The following THSD4 variants were observed in gnomAD, a reference collection of about 807,000 sequenced individuals.
THSD4 encodes the protein thrombospondin type 1 domain containing 4.
THSD4 carries 69 observed loss-of-function variants against 119.0 expected under a neutral mutation model. The observed-to-expected ratio is 0.58, with a 90% CI of 0.48 to 0.71. The LOEUF is 0.71. THSD4 is among the 30% of genes least tolerant of loss of function. The pLI is 0.00. For missense variants in THSD4, 1,393 were observed against 1,391.1 expected (o/e 1.00, Z -0.02); for synonymous variants, 524 against 540.4 (o/e 0.97, Z 0.42).
chr15:71,632,214 A>G (rs998114025), intron 7 of THSD4, among the ~76,000 whole-genome samples: 4 of 152,190 alleles, frequency 2.6e-5, no homozygotes, highest in Non-Finnish European at 5.9e-5. Flanking sequence ...TTGGAAATGT[A>G]TTTTGAAAAT....
chr15:71,410,399 C>G (rs1346322303), intron 6 of THSD4, among the ~76,000 whole-genome samples: 1 of 152,152 alleles, frequency 6.6e-6, no homozygotes, highest in Non-Finnish European at 1.5e-5. Context: ...GGAGGGCTTC[C>G]TGAGGAGGTG....
At chr15:71,774,166 C>A (rs2053871923) in intron 17 of THSD4, among the ~76,000 whole-genome samples, 1 of 151,966 alleles carries the variant, frequency 6.6e-6, no homozygotes, top group South Asian at 2.1e-4. Flanking sequence ...TAAAAATTAG[C>A]CAGGTGTGGT....
At chr15:71,197,176 T>A (rs2043727329) in intron 3 of THSD4, among the ~76,000 whole-genome samples, 1 of 152,208 alleles carries the variant, frequency 6.6e-6, no homozygotes, top group South Asian at 2.1e-4. Context: ...TAATGCGACC[T>A]GCCCCACAGG....
intron 6 of THSD4, among the ~76,000 whole-genome samples, chr15:71,332,593 C>G (rs990803124): frequency 6.6e-6 from 1 of 152,118 alleles, no homozygotes; most frequent in South Asian, 2.1e-4. Context: ...CTGCAGCATG[C>G]CTCGGATTTG....
intron 7 of THSD4, among the ~76,000 whole-genome samples, chr15:71,414,722 T>G (rs2140507742): frequency 1.3e-5 from 2 of 152,342 alleles, no homozygotes; most frequent in Admixed American, 1.3e-4. Context: ...GGATTCTTAC[T>G]AATTGATGAA....
At chr15:71,322,995 G>A (rs576225172) in intron 6 of THSD4, among the ~76,000 whole-genome samples, 3 of 151,700 alleles carry the variant, frequency 2.0e-5, no homozygotes, top group Non-Finnish European at 4.4e-5. Context: ...TACTCAGGAG[G>A]CTGAGGTGGG....
intron 6 of THSD4, among the ~76,000 whole-genome samples, chr15:71,410,465 G>A (rs1238354374): frequency 6.6e-6 from 1 of 152,170 alleles, no homozygotes; most frequent in South Asian, 2.1e-4. Context: ...GGAAGGAACA[G>A]TTAAGCAACG....
At chr15:71,140,116 A>G (rs2040588793) in intron 1 of THSD4, among the ~76,000 whole-genome samples, 1 of 152,232 alleles carries the variant, frequency 6.6e-6, no homozygotes, top group Admixed American at 6.5e-5. Flanking sequence ...ACGTATTTTA[A>G]GTGTTGTTTG....
chr15:71,561,755 G>T (rs937227217), intron 7 of THSD4, among the ~76,000 whole-genome samples: 1 of 152,024 alleles, frequency 6.6e-6, no homozygotes, highest in African/African-American at 2.4e-5. Flanking sequence ...CAAAAACCAG[G>T]ATTTCCAAAG....
intron 6 of THSD4, among the ~76,000 whole-genome samples, chr15:71,270,652 G>A (rs1314972276): frequency 6.6e-6 from 1 of 152,130 alleles, no homozygotes; most frequent in Non-Finnish European, 1.5e-5. Context: ...CCAAAGTCTG[G>A]CTACAGGAAT....
intron 6 of THSD4, among the ~76,000 whole-genome samples, chr15:71,268,673 G>GTTT (rs34513059): frequency 3.6e-5 from 5 of 138,832 alleles, no homozygotes; most frequent in Non-Finnish European, 7.7e-5. Flanking sequence ...TCCAGGAACT[G>GTTT]TTTTTTTTTT....
At chr15:71,738,244 G>T in intron 11 of THSD4, 1 of 552,918 alleles carries the variant, frequency 1.8e-6, no homozygotes, top group East Asian at 3.2e-5. Context: ...TCCCTTGCCT[G>T]CACAGTTCAC....
chr15:71,250,808 G>A (rs764617150), intron 5 of THSD4, among the ~76,000 whole-genome samples: 25 of 152,120 alleles, frequency 1.6e-4, no homozygotes, highest in Non-Finnish European at 3.5e-4. Context: ...TGATTGGCCT[G>A]GGTGAAAGGC....
chr15:71,579,056 G>T (rs1425035395), intron 7 of THSD4, among the ~76,000 whole-genome samples: 3 of 151,716 alleles, frequency 2.0e-5, no homozygotes, highest in African/African-American at 4.8e-5. Context: ...TGTTAGCCAG[G>T]ATAGTCTCGA....
chr15:71,454,772 C>G (rs2140593750), intron 7 of THSD4, among the ~76,000 whole-genome samples: 1 of 152,322 alleles, frequency 6.6e-6, no homozygotes, highest in East Asian at 1.9e-4. Context: ...TCTCAGCTCT[C>G]CAAACATCTC....
chr15:71,604,874 C>A (rs965452464), intron 7 of THSD4, among the ~76,000 whole-genome samples: 1 of 150,998 alleles, frequency 6.6e-6, no homozygotes, highest in Non-Finnish European at 1.5e-5. Flanking sequence ...AGTGAAAATA[C>A]TCTTTATCAA....
intron 6 of THSD4, among the ~76,000 whole-genome samples, chr15:71,289,102 A>G (rs566079417): frequency 1.3e-5 from 2 of 152,240 alleles, no homozygotes; most frequent in South Asian, 2.1e-4. Context: ...CTTGACTGTA[A>G]TCAACTCAGG....
intron 7 of THSD4, among the ~76,000 whole-genome samples, chr15:71,557,095 T>C (rs1017529121): frequency 6.6e-6 from 1 of 152,242 alleles, no homozygotes; most frequent in Admixed American, 6.5e-5. Context: ...CATTCTGCCA[T>C]TGAAAATCAA....
chr15:71,736,403 C>G (rs927971279), intron 10 of THSD4, among the ~76,000 whole-genome samples: 8 of 149,374 alleles, frequency 5.4e-5, no homozygotes, highest in African/African-American at 2.0e-4. Context: ...CTCTCTCGCT[C>G]TCTGACTGTC....
Sources: allele counts gnomAD v4.1 joint callset (sites outside exome capture counted in the v4.1 genomes callset), GRCh38; gene constraint gnomAD v4.1.1; transcripts MANE v1.5; gene names NCBI Gene and HGNC (gene_info 2026-07-23, HGNC 2026-07-21).